The following SERPINB7 variants were observed in gnomAD, a reference collection of about 807,000 sequenced individuals.
The protein encoded by SERPINB7 is serpin B7.
SERPINB7 carries 31 observed loss-of-function variants against 37.4 expected under a neutral mutation model. That is an observed-to-expected ratio of 0.83 (90% confidence interval 0.62 to 1.12). SERPINB7 has a LOEUF of 1.12. Ranked by LOEUF, SERPINB7 falls within the 50% of genes most tolerant of loss-of-function variation. The pLI is 0.00. For missense variants in SERPINB7, 521 were observed against 455.3 expected (o/e 1.14, Z -1.31); for synonymous variants, 163 against 166.1 (o/e 0.98, Z 0.14).
rs1369187485 is a variant in SERPINB7 at position 63,798,657 on chromosome 18, GTGCTGGTGAA to G, written c.514_523del (p.Val172CysfsTer17). On this transcript the variant is annotated frameshift_variant, in exon 6 of 8. Transcript: ENST00000398019. LOFTEE classifies it high-confidence loss of function. Reference sequence around the variant, plus strand: ...TGGCATAAGCTCATCTGCTGTAATGGTGCTGGTGAATGCTGTGTACTTCAAAGGCAAGTGG... The same window carrying G: ...TGGCATAAGCTCATCTGCTGTAATGGTGCTGTGTACTTCAAAGGCAAGTGG... 45 of 1,611,348 alleles carry G rather than the reference GTGCTGGTGAA, an allele frequency of 2.8e-5. No individual in the cohort carries two copies. The highest frequency in any genetic ancestry group is 3.8e-5 in the Non-Finnish European group (45 of 1,178,920).
intron 2 of SERPINB7, among the ~76,000 whole-genome samples, chr18:63,783,724 T>C (rs1406514769): frequency 6.6e-6 from 1 of 152,190 alleles, no homozygotes; most frequent in East Asian, 1.9e-4. Context: ...CCAGGCTGCA[T>C]GCAGAGGCCT....
upstream of SERPINB7, among the ~76,000 whole-genome samples, chr18:63,772,990 G>A (rs572818065): frequency 5.9e-5 from 9 of 152,110 alleles, no homozygotes; most frequent in East Asian, 3.9e-4. Context: ...AGAATCAGAA[G>A]AAGGAGGAGG....
At chr18:63,783,266 GAA>G (rs1282410614) in intron 2 of SERPINB7, among the ~76,000 whole-genome samples, 5 of 148,024 alleles carry the variant, frequency 3.4e-5, no homozygotes. Flanking sequence ...AAGAAAGAAA[GAA>G]AGAAAGAAAG....
chr18:63,795,559 C>T (rs931475760), intron 4 of SERPINB7, among the ~76,000 whole-genome samples: 5 of 141,126 alleles, frequency 3.5e-5, no homozygotes, highest in South Asian at 2.3e-4. Flanking sequence ...AGTGAGACAT[C>T]GTCTCAAAAA....
intron 2 of SERPINB7, among the ~76,000 whole-genome samples, chr18:63,787,972 C>A (rs889881215): frequency 6.6e-6 from 1 of 152,212 alleles, no homozygotes; most frequent in Non-Finnish European, 1.5e-5. Flanking sequence ...TGTAGTGATG[C>A]TGGCATAAGC....
chr18:63,762,061 T>G (rs2049157295), intron 1 of SERPINB7, among the ~76,000 whole-genome samples: 1 of 152,230 alleles, frequency 6.6e-6, no homozygotes, highest in Admixed American at 6.5e-5. Context: ...TATGGTAGTT[T>G]TCATGCCACC....
intron 2 of SERPINB7, among the ~76,000 whole-genome samples, chr18:63,785,656 A>G (rs2049356417): frequency 6.6e-6 from 1 of 151,900 alleles, no homozygotes. Context: ...CATTTGAGTG[A>G]AAGAGCTGGA....
intron 6 of SERPINB7, among the ~76,000 whole-genome samples, chr18:63,799,941 TATAA>T (rs1157806111): frequency 6.6e-6 from 1 of 152,220 alleles, no homozygotes; most frequent in Non-Finnish European, 1.5e-5. Flanking sequence ...TCTCTAAATC[TATAA>T]ATGATATTCT....
At chr18:63,804,041 C>A (rs891944777) in intron 7 of SERPINB7, among the ~76,000 whole-genome samples, 196 bp from the exon 8 acceptor site, 7 of 152,114 alleles carry the variant, frequency 4.6e-5, no homozygotes, top group African/African-American at 1.7e-4. Flanking sequence ...GCAAATTAAA[C>A]ATGGGATTTG....
At chr18:63,783,986 C>T (rs1210947131) in intron 2 of SERPINB7, among the ~76,000 whole-genome samples, 4 of 151,694 alleles carry the variant, frequency 2.6e-5, no homozygotes, top group Non-Finnish European at 5.9e-5. Flanking sequence ...TTTTTTCAAG[C>T]GCTAGAGCGG....
chr18:63,798,563 T>C (rs777862209), intron 5 of SERPINB7, 41 bp from the exon 6 acceptor site: 3 of 1,464,872 alleles, frequency 2.0e-6, no homozygotes, highest in Non-Finnish European at 2.8e-6. Flanking sequence ...TTTAAAATTA[T>C]ATTAAAATAA....
intron 1 of SERPINB7, among the ~76,000 whole-genome samples, chr18:63,762,044 C>T (rs540296655): frequency 6.6e-6 from 1 of 152,278 alleles, no homozygotes; most frequent in South Asian, 2.1e-4. Context: ...GTCCAAACAG[C>T]ATCACTTATG....
chr18:63,800,800 A>G (rs542465334), intron 6 of SERPINB7, 66 bp from the exon 7 acceptor site: 62 of 1,540,532 alleles, frequency 4.0e-5, no homozygotes, highest in Non-Finnish European at 5.1e-5. Context: ...ATATTCTTAT[A>G]TGTATTTGGT....
In SERPINB7 at chr18:63,782,286, T is replaced by G. The variant is rs1160658467; in HGVS notation, c.-18-69T>G. The stretch of plus-strand genomic sequence containing the variant: ...GAAGCTTTAAATTATAAAAAATAAA[T>G]AAATCTAAAAATATAATATTCCTAG... On this transcript the variant is annotated intron_variant, in intron 1 of 7. Transcript: ENST00000398019. The G allele has an allele frequency of 8.2e-6, 8 of 974,118 alleles. No homozygotes were observed. The East Asian group carries it at 2.5e-4, about 31-fold the overall frequency. The allele number at this position is 974,118 out of a possible 1,614,324, so 60.3% of individuals were successfully genotyped here.
intron 1 of SERPINB7, among the ~76,000 whole-genome samples, chr18:63,781,904 A>C (rs545833964): frequency 1.3e-5 from 2 of 152,210 alleles, no homozygotes; most frequent in South Asian, 4.1e-4. Context: ...CAGAGGCCTT[A>C]ATGGAAAGAA....
chr18:63,795,929 GAC>G (rs1301913802), intron 4 of SERPINB7, among the ~76,000 whole-genome samples: 1 of 152,164 alleles, frequency 6.6e-6, no homozygotes, highest in Non-Finnish European at 1.5e-5. Context: ...AGGAAGGGAT[GAC>G]ACAGGCAAGG....
intron 4 of SERPINB7, 30 bp from the exon 5 acceptor site, chr18:63,796,236 T>C (rs1167886349): frequency 7.9e-7 from 1 of 1,263,730 alleles, no homozygotes; most frequent in Admixed American, 1.8e-5. Context: ...TGATGATTTG[T>C]AAATACGAGA....
At chr18:63,772,152 C>A (rs1048872391), upstream of SERPINB7, among the ~76,000 whole-genome samples, 1 of 151,962 alleles carries the variant, frequency 6.6e-6, no homozygotes, top group Admixed American at 6.6e-5. Flanking sequence ...ACAACACAAA[C>A]TTTCTGAGTC....
At chr18:63,789,291 T>A (rs2049403103) in intron 2 of SERPINB7, among the ~76,000 whole-genome samples, 2 of 152,144 alleles carry the variant, frequency 1.3e-5, no homozygotes, top group South Asian at 4.1e-4. Flanking sequence ...CATCTCTCTC[T>A]CCATCTTATA....
Sources: gnomAD v4.1 joint callset for allele counts (sites outside exome capture counted in the v4.1 genomes callset) on GRCh38, gnomAD v4.1.1 for gene constraint, MANE v1.5 for transcripts, NCBI Gene and HGNC (gene_info 2026-07-23, HGNC 2026-07-21) for gene names.